Variants in SLC9A9 observed in about 807,000 individuals in gnomAD.
SLC9A9 encodes the protein solute carrier family 9 member A9, also known as sodium/hydrogen exchanger 9.
SLC9A9 carries 62 observed loss-of-function variants against 77.8 expected under a neutral mutation model. That is an observed-to-expected ratio of 0.80 (90% CI 0.65 to 0.98). SLC9A9 has a LOEUF of 0.98. Among genes scored for constraint, SLC9A9 ranks in the 50% least tolerant of loss-of-function variants. The pLI is 0.00. For synonymous variants in SLC9A9, 320 were observed against 283.5 expected, an observed-to-expected ratio of 1.13 and a Z score of -1.29; for missense variants, 775 against 774.9, an observed-to-expected ratio of 1.00 and a Z score of 0.00.
At position 143,848,356 on chromosome 3, in the gene SLC9A9, C is replaced by G. The variant is rs761382438; in HGVS notation, c.-34G>C. The G allele has an allele frequency of 6.2e-7, 1 of 1,613,548 alleles. No homozygotes were observed. Among genetic ancestry groups the G allele is most frequent in the Non-Finnish European group, 8.5e-7 (1 of 1,179,630 alleles). On this transcript the variant is annotated 5_prime_UTR_variant, in exon 1 of 16. Coordinates refer to ENST00000316549, the MANE Select transcript of SLC9A9 (RefSeq NM_173653.4). Reference sequence around the variant, plus strand: ...CTTCTTGGGATTCCTTAGATAAAAACCTGGATAAAGGCTATTTTATCAAGA... The same window carrying G: ...CTTCTTGGGATTCCTTAGATAAAAAGCTGGATAAAGGCTATTTTATCAAGA...
chr3:143,757,872 G>A (rs1263969044), intron 4 of SLC9A9, among the ~76,000 whole-genome samples: 2 of 152,214 alleles, frequency 1.3e-5, no homozygotes, highest in Non-Finnish European at 2.9e-5. Context: ...TGAAGATAAC[G>A]AGATAAGGAG....
At chr3:143,618,520 A>G (rs1302260880) in intron 6 of SLC9A9, among the ~76,000 whole-genome samples, 1 of 152,094 alleles carries the variant, frequency 6.6e-6, no homozygotes, top group Non-Finnish European at 1.5e-5. Flanking sequence ...GGGCTCAAAG[A>G]CAGTACAAAG....
At position 143,638,824 on chromosome 3, in the gene SLC9A9, T is replaced by C. The variant is rs951972872; in HGVS notation, c.755+13431A>G. On this transcript the variant is annotated intron_variant, in intron 6 of 15. Coordinates refer to ENST00000316549, the MANE Select transcript of SLC9A9 (RefSeq NM_173653.4). ...TTAATCAGATTCCCTAAGCATCCCA[T>C]GCCCCAGTAAGGCAGAGCCCACATA... is the stretch of plus-strand genomic sequence containing the variant. Among the ~76,000 whole-genome samples, 5 of 152,352 alleles carry C rather than the reference T, an allele frequency of 3.3e-5. No individual in the cohort carries two copies. In the South Asian group the frequency reaches 1.0e-3, roughly 32 times the overall value.
Position 143,688,442 on chromosome 3 carries a change from T to C in SLC9A9, c.649+4750A>G, listed in dbSNP as rs185129132. Among the ~76,000 whole-genome samples the C allele has an allele frequency of 2.5e-3, 387 of 152,224 alleles. 8 individuals are homozygous for C. Among genetic ancestry groups the C allele is most frequent in the Non-Finnish European group, 1.2e-3 (84 of 68,008 alleles). On this transcript the variant is annotated intron_variant, in intron 5 of 15. Transcript: ENST00000316549. ...CAGGGAATGCTGGTTGCAGTGCTTC[T>C]GAACTTGAAGATGTGTGCAAAGGTG...
intron 4 of SLC9A9, among the ~76,000 whole-genome samples, chr3:143,751,643 A>G (rs1560063043): frequency 6.6e-6 from 1 of 152,048 alleles, no homozygotes; most frequent in East Asian, 1.9e-4. Flanking sequence ...CACAGGTCTG[A>G]TCCCAAAAGC....
At chr3:143,309,653 C>T (rs1305044866) in intron 14 of SLC9A9, among the ~76,000 whole-genome samples, 1 of 152,134 alleles carries the variant, frequency 6.6e-6, no homozygotes, top group Non-Finnish European at 1.5e-5. Flanking sequence ...TTTAAAGGGG[C>T]ATTTTCTTAA....
intron 2 of SLC9A9, among the ~76,000 whole-genome samples, chr3:143,828,460 T>C (rs934030855): frequency 2.0e-5 from 3 of 152,062 alleles, no homozygotes; most frequent in Non-Finnish European, 2.9e-5. Context: ...CAATAAGCAA[T>C]GTAAGAATGC....
intron 4 of SLC9A9, among the ~76,000 whole-genome samples, chr3:143,777,852 T>C (rs886509216): frequency 2.6e-5 from 4 of 151,558 alleles, no homozygotes; most frequent in Admixed American, 6.6e-5. Flanking sequence ...ATACCTGGGA[T>C]TACAGGCACA....
rs148967419 is a variant in SLC9A9, at chr3:143,363,143, A to G, written c.1604+341T>C. Among the ~76,000 whole-genome samples, 17 of 152,322 alleles carry G rather than the reference A, an allele frequency of 1.1e-4. No homozygotes were observed. In the East Asian group the frequency reaches 3.3e-3, roughly 29 times the overall value. On this transcript the variant is annotated intron_variant, in intron 14 of 15. Transcript: ENST00000316549. ...CTGAGACTGTTCATACAATGCCCTC[A>G]ATCAAGCAGGCCTATTTGACCAGAA... is the stretch of plus-strand genomic sequence containing the variant.
At chr3:143,322,325 A>C (rs2031448084) in intron 14 of SLC9A9, among the ~76,000 whole-genome samples, 1 of 152,160 alleles carries the variant, frequency 6.6e-6, no homozygotes. Flanking sequence ...AGACTGAGGA[A>C]GAGAGTCTTC....
At chr3:143,406,978 G>GA (rs57344964) in intron 12 of SLC9A9, among the ~76,000 whole-genome samples, 905 of 69,304 alleles carry the variant, frequency 0.013, 5 homozygotes, top group South Asian at 0.035. Flanking sequence ...TCCATCTCGA[G>GA]AAAAAAAAAA....
chr3:143,532,858 C>T (rs142255818), intron 9 of SLC9A9, among the ~76,000 whole-genome samples: 77 of 152,338 alleles, frequency 5.1e-4, no homozygotes, highest in African/African-American at 1.7e-3. Flanking sequence ...AGGCCTCTGC[C>T]TGCAATGCTC....
intron 14 of SLC9A9, among the ~76,000 whole-genome samples, chr3:143,360,950 G>A (rs2032736981): frequency 6.6e-6 from 1 of 152,130 alleles, no homozygotes; most frequent in Non-Finnish European, 1.5e-5. Flanking sequence ...ACGGTGTGTG[G>A]GCCTCATGCA....
intron 1 of SLC9A9, among the ~76,000 whole-genome samples, chr3:143,845,215 T>G (rs2009807060): frequency 6.6e-6 from 1 of 152,206 alleles, no homozygotes; most frequent in Admixed American, 6.5e-5. Flanking sequence ...TAAGTCTTCA[T>G]TTGTTTGTCT....
At chr3:143,754,924 CCT>C (rs1387549820) in intron 4 of SLC9A9, among the ~76,000 whole-genome samples, 2 of 152,090 alleles carry the variant, frequency 1.3e-5, no homozygotes, top group African/African-American at 2.4e-5. Flanking sequence ...AAAGTCTCCC[CCT>C]GTCGCCTAAC....
At chr3:143,842,586 G>A (rs1409116439) in intron 1 of SLC9A9, among the ~76,000 whole-genome samples, 5 of 152,144 alleles carry the variant, frequency 3.3e-5, no homozygotes, top group East Asian at 1.9e-4. Flanking sequence ...GCTCCTAACC[G>A]TGATTACCTT....
At chr3:143,501,884 A>C (rs2035929460) in intron 9 of SLC9A9, among the ~76,000 whole-genome samples, 1 of 150,870 alleles carries the variant, frequency 6.6e-6, no homozygotes, top group South Asian at 2.1e-4. Flanking sequence ...TCTATACAGC[A>C]AGGCCAGCTG....
intron 5 of SLC9A9, among the ~76,000 whole-genome samples, chr3:143,653,698 C>A (rs774318957): frequency 1.1e-4 from 16 of 152,058 alleles, no homozygotes; most frequent in Non-Finnish European, 2.1e-4. Flanking sequence ...GAGCAGAGGG[C>A]AGAATGGACA....
chr3:143,523,686 G>A (rs1181910275), intron 9 of SLC9A9, among the ~76,000 whole-genome samples: 2 of 152,074 alleles, frequency 1.3e-5, no homozygotes, highest in Non-Finnish European at 2.9e-5. Context: ...AAACATGAAA[G>A]GATCGATGAA....
Sources: gnomAD v4.1 joint callset for allele counts (sites outside exome capture counted in the v4.1 genomes callset) on GRCh38, gnomAD v4.1.1 for gene constraint, MANE v1.5 for transcripts, NCBI Gene and HGNC (gene_info 2026-07-23, HGNC 2026-07-21) for gene names.